AMZ1: variants seen among roughly 807,000 people sequenced by gnomAD.
The protein encoded by AMZ1 is archaemetzincin-1.
In AMZ1, 39 loss-of-function variants were observed where a neutral mutation model predicts 29.9. The observed-to-expected ratio is 1.30, with a 90% CI of 1.01 to 1.70. The LOEUF is 1.70. Ranked by LOEUF, AMZ1 falls within the 40% of genes most tolerant of loss-of-function variation. The pLI, the probability that AMZ1 is intolerant of heterozygous loss-of-function variation, is 0.00. For synonymous variants in AMZ1, 458 were observed against 304.0 expected (o/e 1.51, Z -5.27); for missense variants, 1,041 against 680.6 (o/e 1.53, Z -5.89).
At position 2,712,735 on chromosome 7, in the gene AMZ1, C is replaced by G. The variant is rs897169661; in HGVS notation, c.1354C>G (p.Gln452Glu). The change falls in exon 7 of 7, where the codon CAG (glutamine) becomes GAG (glutamate). Residue 452 changes from glutamine to glutamate, a missense_variant. Gln to Glu is a conservative substitution (Grantham distance 29). Coordinates refer to ENST00000683327, the MANE Select transcript of AMZ1 (RefSeq NM_001384743.1). ...MFTGQLPATRQDPPSSRDSVG... is the reference protein window; with the variant it reads ...MFTGQLPATREDPPSSRDSVG... Reference sequence around the variant, plus strand: ...CACGGGCCAGCTCCCGGCCACCAGGCAGGACCCACCCAGCAGCAGGGACAG... The same window carrying G: ...CACGGGCCAGCTCCCGGCCACCAGGGAGGACCCACCCAGCAGCAGGGACAG... 1 of 1,606,670 alleles carries G rather than the reference C, an allele frequency of 6.2e-7. No individual in the cohort carries two copies. Among genetic ancestry groups the G allele is most frequent in the African/African-American group, 1.3e-5 (1 of 74,988 alleles).
In AMZ1 at chr7:2,702,260, T is replaced by C. The variant is rs191436847; in HGVS notation, c.305-462T>C. ...CAGCCAGGCTGGCATTTTGCAGCCA[T>C]GCAGCCTGGCTCTGTGTCCTGCTGT... is the stretch of plus-strand genomic sequence containing the variant. On this transcript the variant is annotated intron_variant, in intron 2 of 6. Coordinates refer to ENST00000683327, the MANE Select transcript of AMZ1 (RefSeq NM_001384743.1). 1,464 of 157,604 alleles carry C rather than the reference T, an allele frequency of 9.3e-3. 16 individuals carry two copies. The highest frequency in any genetic ancestry group is 0.014 in the Non-Finnish European group (1,028 of 71,988). The allele number at this position is 157,604 out of a possible 1,614,324, so 9.8% of individuals were successfully genotyped here.
At chr7:2,700,159 C>T (rs529795049) in intron 1 of AMZ1, 75 bp from the exon 2 acceptor site, 31 of 458,164 alleles carry the variant, frequency 6.8e-5, no homozygotes, top group South Asian at 2.2e-4. Flanking sequence ...TGGGCAGGAG[C>T]GGCCCATCCC....
At chr7:2,756,884 G>A (rs1791323958) in intron 4 of AMZ1, among the ~76,000 whole-genome samples, 1 of 151,812 alleles carries the variant, frequency 6.6e-6, no homozygotes, top group South Asian at 2.1e-4. Context: ...GGTTGGTCTG[G>A]GTAACACAGT....
In AMZ1 at chr7:2,712,650, A is replaced by AG; in HGVS notation, c.1270dup (p.Glu424GlyfsTer124). 6.2e-7 allele frequency: 1 copy of AG among 1,613,088 alleles called. No homozygotes were observed. Among genetic ancestry groups the AG allele is most frequent in the Non-Finnish European group, 8.5e-7 (1 of 1,179,888 alleles). On this transcript the variant is annotated frameshift_variant, in exon 7 of 7. Transcript: ENST00000683327. LOFTEE classifies it low-confidence loss of function (END_TRUNC). Reference sequence around the variant, plus strand: ...TCCAGGCCCTGCAGCGGGAAGTGGCAGAGGAGGACCTGGTGCAGGTGGACA... The same window carrying AG: ...TCCAGGCCCTGCAGCGGGAAGTGGCAGGAGGAGGACCTGGTGCAGGTGGACA...
intron 4 of AMZ1, among the ~76,000 whole-genome samples, chr7:2,732,965 T>C (rs576340764): frequency 6.6e-6 from 1 of 152,190 alleles, no homozygotes; most frequent in Non-Finnish European, 1.5e-5. Context: ...ACTGACTAGG[T>C]TGACATTACG....
intron 4 of AMZ1, among the ~76,000 whole-genome samples, chr7:2,756,113 C>T (rs978401694): frequency 1.5e-4 from 23 of 152,006 alleles, no homozygotes; most frequent in Admixed American, 9.8e-4. Context: ...ATGGATCAAC[C>T]GAATAGAAAT....
intron 4 of AMZ1, among the ~76,000 whole-genome samples, chr7:2,739,489 A>G (rs986329192): frequency 3.0e-5 from 3 of 99,108 alleles, no homozygotes; most frequent in Admixed American, 1.1e-4. Context: ...ATATATATAT[A>G]TGTATATTAC....
At chr7:2,688,730 G>A (rs941869282) in intron 1 of AMZ1, among the ~76,000 whole-genome samples, 1 of 152,196 alleles carries the variant, frequency 6.6e-6, no homozygotes, top group African/African-American at 2.4e-5. Flanking sequence ...CCAGGGCGCC[G>A]AGAATCTCGT....
chr7:2,685,855 GAAAAAAAAAAA>G (rs10710624), upstream of AMZ1, among the ~76,000 whole-genome samples: 3 of 86,762 alleles, frequency 3.5e-5, no homozygotes, highest in African/African-American at 1.2e-4. Context: ...TCCGTCTCAA[GAAAAAAAAAAA>G]AAAAAAAAAA....
intron 4 of AMZ1, among the ~76,000 whole-genome samples, chr7:2,743,654 G>A (rs368925780): frequency 2.0e-4 from 31 of 152,282 alleles, no homozygotes; most frequent in East Asian, 7.7e-4. Flanking sequence ...CTGAGGTACC[G>A]GGTTCATCTC....
In AMZ1 at chr7:2,712,929, TG is replaced by T; in HGVS notation, c.*52del. The T allele has an allele frequency of 6.7e-7, 1 of 1,486,162 alleles. No homozygotes were observed. Among genetic ancestry groups the T allele is most frequent in the Non-Finnish European group, 9.0e-7 (1 of 1,117,294 alleles). 92.1% of individuals were successfully genotyped at this position (1,486,162 alleles called of 1,614,324 possible). A position where few individuals can be genotyped will look rare whatever the true frequency, so the allele number is the denominator to read the frequency against. ...CTTCCCTAAGGATGCTGGCCAGCAC[TG>T]TCCAGTAGCTGAGGCCACTACTGAC... On this transcript the variant is annotated 3_prime_UTR_variant, in exon 7 of 7. Coordinates refer to ENST00000683327, the MANE Select transcript of AMZ1 (RefSeq NM_001384743.1).
chr7:2,683,744 G>GT (rs1349997609), upstream of AMZ1, among the ~76,000 whole-genome samples: 1 of 151,926 alleles, frequency 6.6e-6, no homozygotes. Flanking sequence ...AGCTCTGTCT[G>GT]TTTTTTACAA....
downstream of AMZ1, among the ~76,000 whole-genome samples, chr7:2,722,795 A>T (rs1019967660): frequency 6.6e-6 from 1 of 152,088 alleles, no homozygotes. Flanking sequence ...CAACACAGTG[A>T]GACTCCATCT....
chr7:2,700,644 G>C lies in AMZ1; in HGVS notation c.193G>C (p.Asp65His). 3 of 1,611,932 alleles carry C rather than the reference G, an allele frequency of 1.9e-6. No individual in the cohort carries two copies. The highest frequency in any genetic ancestry group is 2.5e-6 in the Non-Finnish European group (3 of 1,180,006). The part of the protein sequence containing the change: ...FCTLLIRTGF[D>H]WLLSRPEAPE... The stretch of plus-strand genomic sequence containing the variant: ...CACCCTGCTCATCCGCACGGGCTTC[G>C]ACTGGCTCCTGAGCCGACCCGAGGC... Residue 65 changes from aspartate (D) to histidine (H), a missense_variant, in exon 2 of 7, where the codon GAC becomes CAC. By Grantham distance (81) the Asp-to-His change is moderately conservative (BLOSUM62 -1). Transcript: ENST00000683327.
chr7:2,730,995 G>A, intron 4 of AMZ1: 1 of 534,594 alleles, frequency 1.9e-6, no homozygotes, highest in Non-Finnish European at 3.3e-6. Flanking sequence ...TAGCTAACGT[G>A]ACAGTTTCCA....
At position 2,709,822 on chromosome 7, in the gene AMZ1, T is replaced by A; in HGVS notation, c.948+6T>A. 6.2e-7 allele frequency: 1 copy of A among 1,611,168 alleles called. No individual in the cohort carries two copies. Among genetic ancestry groups the A allele is most frequent in the Non-Finnish European group, 8.5e-7 (1 of 1,179,516 alleles). On this transcript the variant is annotated splice_donor_region_variant and intron_variant, in intron 6 of 6. Transcript: ENST00000683327. ...GGCTCATCGAGAGGTACCAGGTGAGTGGCTGAGTTGCGCTGCCCGGCTGCT... is the reference window on the plus strand; with the variant it reads ...GGCTCATCGAGAGGTACCAGGTGAGAGGCTGAGTTGCGCTGCCCGGCTGCT...
chr7:2,734,587 C>T (rs1357772833), intron 4 of AMZ1, among the ~76,000 whole-genome samples: 1 of 152,220 alleles, frequency 6.6e-6, no homozygotes, highest in African/African-American at 2.4e-5. Flanking sequence ...GAAAGGCGGC[C>T]AGCACCTGCT....
At position 2,731,592 on chromosome 7, in the gene AMZ1, G is replaced by A. The variant is rs1187118331; in HGVS notation, n.550+21776G>A. ...AGGAGACCATGAACAGGATGGACGTGATCCCGTCGAAGCACTGGAACCACT... is the reference window on the plus strand; with the variant it reads ...AGGAGACCATGAACAGGATGGACGTAATCCCGTCGAAGCACTGGAACCACT... On this transcript the variant is annotated intron_variant and non_coding_transcript_variant, in intron 4 of 4. Coordinates refer to the AMZ1 transcript ENST00000489665. This position sits in a 1 kb window ranked among gnomAD's most constrained non-coding sequence, Gnocchi z 6.0. The A allele has an allele frequency of 6.2e-7, 1 of 1,613,636 alleles. No homozygotes were observed. Among genetic ancestry groups the A allele is most frequent in the Non-Finnish European group, 8.5e-7 (1 of 1,179,784 alleles).
At chr7:2,751,509 G>A (rs75043971) in intron 4 of AMZ1, among the ~76,000 whole-genome samples, 3,855 of 151,900 alleles carry the variant, frequency 0.025, 122 homozygotes, top group Middle Eastern at 0.075. Flanking sequence ...AGGTAAGCAG[G>A]AGAAAGAAAA....
Sources: allele counts gnomAD v4.1 joint callset (sites outside exome capture counted in the v4.1 genomes callset), GRCh38; gene constraint gnomAD v4.1.1; non-coding constraint Gnocchi (gnomAD v3.1); transcripts MANE v1.5; gene names NCBI Gene and HGNC (gene_info 2026-07-23, HGNC 2026-07-21).